Variants in NR1H4 observed in about 807,000 individuals in gnomAD.
The protein encoded by NR1H4 is bile acid receptor.
In NR1H4, 23 loss-of-function variants were observed where a neutral mutation model predicts 58.5. The observed-to-expected ratio is 0.39, with a 90% CI of 0.28 to 0.56. The LOEUF is 0.56. NR1H4 is among the 20% of genes least tolerant of loss of function. The pLI is 0.58. For synonymous variants in NR1H4, 214 were observed against 198.0 expected, an observed-to-expected ratio of 1.08 and a Z score of -0.68; for missense variants, 487 against 576.9, an observed-to-expected ratio of 0.84 and a Z score of 1.60.
intron 1 of NR1H4, among the ~76,000 whole-genome samples, chr12:100,490,490 C>T (rs1022266447): frequency 1.3e-5 from 2 of 152,118 alleles, no homozygotes; most frequent in African/African-American, 4.8e-5. Context: ...GGAAAACTTT[C>T]TGACCGTTCA....
At chr12:100,514,915 T>C (rs1459861611) in intron 4 of NR1H4, among the ~76,000 whole-genome samples, 1 of 152,110 alleles carries the variant, frequency 6.6e-6, no homozygotes, top group Admixed American at 6.6e-5. Flanking sequence ...CAAACAAAAC[T>C]ACAAAACCAA....
At chr12:100,543,906 T>C (rs772342972) in intron 9 of NR1H4, among the ~76,000 whole-genome samples, 1 of 152,100 alleles carries the variant, frequency 6.6e-6, no homozygotes, top group Non-Finnish European at 1.5e-5. Flanking sequence ...CAGCTTAGCT[T>C]TGTCATTTAT....
chr12:100,504,180 C>G (rs1277764425), intron 3 of NR1H4, among the ~76,000 whole-genome samples: 1 of 152,096 alleles, frequency 6.6e-6, no homozygotes, highest in African/African-American at 2.4e-5. Flanking sequence ...GGCCCAGGCT[C>G]TTGGTTTTCT....
intron 1 of NR1H4, among the ~76,000 whole-genome samples, chr12:100,489,495 A>G (rs1334587062): frequency 6.6e-6 from 1 of 152,188 alleles, no homozygotes; most frequent in Admixed American, 6.5e-5. Context: ...ACTGAATATG[A>G]ATTTCATATA....
Position 100,545,652 on chromosome 12 carries a change from A to AC in NR1H4, c.1078+4834_1078+4835insC, listed in dbSNP as rs1565777302. On this transcript the variant is annotated intron_variant, in intron 9 of 10. Coordinates refer to ENST00000392986, the MANE Select transcript of NR1H4 (RefSeq NM_001206979.2). ...GTGAGACCTTGTCTCAAAAAAAAAAAAAAAAAAAAAAAAAAAACCAAACGG... is the reference window on the plus strand; with the variant it reads ...GTGAGACCTTGTCTCAAAAAAAAAAACAAAAAAAAAAAAAAAAACCAAACGG... 6.2e-5 allele frequency among the ~76,000 whole-genome samples: 9 copies of AC among 146,152 alleles called. 1 individual carries two copies. Among genetic ancestry groups the AC allele is most frequent in the African/African-American group, 2.4e-4 (9 of 37,998 alleles).
chr12:100,519,101 CT>C (rs1954344950), intron 4 of NR1H4, among the ~76,000 whole-genome samples: 1 of 152,050 alleles, frequency 6.6e-6, no homozygotes, highest in African/African-American at 2.4e-5. Flanking sequence ...ACCCATGACT[CT>C]TAAGGGTTGG....
chr12:100,521,267 G>C (rs751256479), intron 4 of NR1H4, among the ~76,000 whole-genome samples: 6 of 152,178 alleles, frequency 3.9e-5, no homozygotes, highest in Non-Finnish European at 7.4e-5. Context: ...TAGCATCAAT[G>C]AGAGAAATGA....
At chr12:100,520,783 G>C (rs890901104) in intron 4 of NR1H4, among the ~76,000 whole-genome samples, 2 of 152,184 alleles carry the variant, frequency 1.3e-5, no homozygotes, top group African/African-American at 4.8e-5. Context: ...CTCTATGGGA[G>C]AGCTTAAATC....
chr12:100,532,912 A>C (rs781756257), intron 5 of NR1H4, among the ~76,000 whole-genome samples: 6 of 152,228 alleles, frequency 3.9e-5, no homozygotes, highest in Non-Finnish European at 5.9e-5. Context: ...ATGACATCTA[A>C]AAGTTTCCTC....
At chr12:100,509,915 GCACACACA>G (rs139809053) in intron 3 of NR1H4, among the ~76,000 whole-genome samples, 4 of 131,632 alleles carry the variant, frequency 3.0e-5, no homozygotes, top group Non-Finnish European at 6.0e-5. Context: ...GCACGTGCGC[GCACACACA>G]CACACACACA....
chr12:100,492,354 C>T (rs1219984348), intron 1 of NR1H4, 149 bp from the exon 2 acceptor site: 1 of 152,046 alleles, frequency 6.6e-6, no homozygotes, highest in Non-Finnish European at 1.5e-5. Context: ...CAAATATAGA[C>T]AGCTATTTAT....
chr12:100,541,862 GCT>G (rs1367468202), intron 9 of NR1H4, among the ~76,000 whole-genome samples: 1 of 151,968 alleles, frequency 6.6e-6, no homozygotes, highest in Non-Finnish European at 1.5e-5. Flanking sequence ...CTCCCAAAGT[GCT>G]AGGATTAAAG....
intron 1 of NR1H4, among the ~76,000 whole-genome samples, chr12:100,480,556 T>G (rs190801523): frequency 5.3e-4 from 81 of 152,326 alleles, no homozygotes; most frequent in African/African-American, 1.9e-3. Context: ...ATTTTCTTAT[T>G]GTTCTTCCAG....
At chr12:100,506,455 T>C (rs1953967826) in intron 3 of NR1H4, among the ~76,000 whole-genome samples, 1 of 152,176 alleles carries the variant, frequency 6.6e-6, no homozygotes, top group Non-Finnish European at 1.5e-5. Context: ...TTTGTGGAGA[T>C]TTAGGAGACA....
intron 1 of NR1H4, among the ~76,000 whole-genome samples, chr12:100,491,257 G>T (rs991907498): frequency 6.6e-6 from 1 of 151,940 alleles, no homozygotes; most frequent in Non-Finnish European, 1.5e-5. Flanking sequence ...GTGTCCATGG[G>T]GCAGAGCAGT....
intron 3 of NR1H4, chr12:100,505,843 G>A (rs1953946946): frequency 2.2e-6 from 1 of 446,626 alleles, no homozygotes; most frequent in Non-Finnish European, 4.0e-6. Context: ...TTCTGCCAAT[G>A]TTGTATTTGT....
intron 4 of NR1H4, among the ~76,000 whole-genome samples, chr12:100,527,073 T>C (rs1424904861): frequency 6.6e-6 from 1 of 152,202 alleles, no homozygotes; most frequent in African/African-American, 2.4e-5. Flanking sequence ...CCTACAATTA[T>C]TGCAAAACAA....
At chr12:100,559,500 G>A (rs1436238225) in intron 9 of NR1H4, among the ~76,000 whole-genome samples, 2 of 152,194 alleles carry the variant, frequency 1.3e-5, no homozygotes, top group South Asian at 2.1e-4. Context: ...TGCTGGCCCC[G>A]GGTAATAAGG....
intron 1 of NR1H4, among the ~76,000 whole-genome samples, chr12:100,485,010 T>G (rs1452124182): frequency 1.3e-5 from 2 of 152,214 alleles, no homozygotes; most frequent in Non-Finnish European, 2.9e-5. Context: ...GTGAAATATT[T>G]TCAACATGCA....
Sources: gnomAD v4.1 joint callset for allele counts (sites outside exome capture counted in the v4.1 genomes callset) on GRCh38, gnomAD v4.1.1 for gene constraint, MANE v1.5 for transcripts, NCBI Gene and HGNC (gene_info 2026-07-23, HGNC 2026-07-21) for gene names.